HCN4: variants seen among roughly 807,000 people sequenced by gnomAD.
The protein encoded by HCN4 is potassium/sodium hyperpolarization-activated cyclic nucleotide-gated channel 4.
In HCN4, 29 loss-of-function variants were observed where a neutral mutation model predicts 76.9. That is an observed-to-expected ratio of 0.38 (90% CI 0.28 to 0.51). The LOEUF is 0.51. Ranked by LOEUF, HCN4 falls within the 20% of genes least tolerant of loss-of-function variation. HCN4 has a pLI of 0.90. For synonymous variants in HCN4, 772 were observed against 762.5 expected (o/e 1.01, Z -0.21); for missense variants, 1,416 against 1,715.2 (o/e 0.83, Z 3.08).
Position 73,320,488 on chromosome 15 carries a change from A to G in HCN4, c.*1993T>C, listed in dbSNP as rs2042850869. On this transcript the variant is annotated 3_prime_UTR_variant, in exon 8 of 8. Coordinates refer to ENST00000261917, the MANE Select transcript of HCN4 (RefSeq NM_005477.3). The stretch of plus-strand genomic sequence containing the variant: ...GGATAATGTGGGACCAGCCCTTCTC[A>G]TTACTTGGGGATTGCAGCCATACCT... 6.6e-6 allele frequency: 1 copy of G among 152,172 alleles called. No homozygotes were observed. The highest frequency in any genetic ancestry group is 1.5e-5 in the Non-Finnish European group (1 of 68,062). The allele number at this position is 152,172 out of a possible 1,614,324, so 9.4% of individuals were successfully genotyped here.
rs765340523 is a variant in HCN4, at chr15:73,343,681, A to G, written c.913T>C (p.Phe305Leu). 2 of 1,614,182 alleles carry G rather than the reference A, an allele frequency of 1.2e-6. No individual in the cohort carries two copies. Among genetic ancestry groups the G allele is most frequent in the South Asian group, 2.2e-5 (2 of 91,082 alleles). The stretch of plus-strand genomic sequence containing the variant: ...TTGAGGACCAAGTCGATGAGGAAGA[A>G]TGTGTCTGACACCACATTGAAGACA... ...WIVFNVVSDT[F>L]FLIDLVLNFR... Residue 305 changes from phenylalanine (F) to leucine (L), a missense_variant, in exon 2 of 8, where the codon TTC becomes CTC. By Grantham distance (22) the Phe-to-Leu change is conservative (BLOSUM62 0). Coordinates refer to ENST00000261917, the MANE Select transcript of HCN4 (RefSeq NM_005477.3). This position sits in a 1 kb window ranked among gnomAD's most constrained non-coding sequence, Gnocchi z 5.7.
rs1012902736 is a variant in HCN4, at chr15:73,325,586, TAC to T, written c.1591-144_1591-143del. 14 of 833,834 alleles carry T rather than the reference TAC, an allele frequency of 1.7e-5. No individual in the cohort carries two copies. The African/African-American group carries it at 2.0e-4, about 12-fold the overall frequency. 51.7% of individuals were successfully genotyped at this position (833,834 alleles called of 1,614,324 possible). A position where few individuals can be genotyped will look rare whatever the true frequency, so the allele number is the denominator to read the frequency against. ...ACTTGGTTCCTTGAGATCTGAGGTC[TAC>T]AGTGTGGAAATGACCTCACTGTGCT... On this transcript the variant is annotated intron_variant, in intron 4 of 7. Transcript: ENST00000261917. The surrounding 1 kb of genome is among the most constrained non-coding windows in gnomAD (Gnocchi z 7.4).
rs375712962 is a variant in HCN4 at position 73,323,319 on chromosome 15, A to C, written c.2774T>G (p.Leu925Arg). The C allele has an allele frequency of 1.9e-6, 3 of 1,558,138 alleles. No individual in the cohort carries two copies. The highest frequency in any genetic ancestry group is 2.6e-6 in the Non-Finnish European group (3 of 1,150,648). Reference protein sequence around the residue: ...GGSLSSSDSPLLTPLQPGARS... With the variant: ...GGSLSSSDSPRLTPLQPGARS... ...GGCGCCTGGCTGCAGCGGGGTGAGCAGGGGAGAGTCGGAGGAGGACAGGGA... is the reference window on the plus strand; with the variant it reads ...GGCGCCTGGCTGCAGCGGGGTGAGCCGGGGAGAGTCGGAGGAGGACAGGGA... Residue 925 changes from leucine to arginine, a missense_variant, in exon 8 of 8, where the codon CTG becomes CGG. Transcript: ENST00000261917.
Position 73,322,662 on chromosome 15 carries a change from G to A in HCN4, c.3431C>T (p.Ala1144Val), listed in dbSNP as rs1260136245. 6.2e-7 allele frequency: 1 copy of A among 1,606,258 alleles called. No homozygotes were observed. The highest frequency in any genetic ancestry group is 8.5e-7 in the Non-Finnish European group (1 of 1,177,084). ...CAGAGTGACGTGCTGGCCGGGGATG[G>A]CACCATAGGGCCTCCCAGGGGGACC... The part of the protein sequence containing the change: ...GLGPPGRPYG[A>V]IPGQHVTLPR... The change falls in exon 8 of 8, where the codon GCC (alanine) becomes GTC (valine). Residue 1144 changes from alanine (A) to valine (V), a missense_variant. By Grantham distance (64) the Ala-to-Val change is moderately conservative. Transcript: ENST00000261917.
chr15:73,324,181 A>G lies in HCN4; in HGVS notation c.2051T>C (p.Leu684Pro), dbSNP rs2042884906. The change falls in exon 7 of 8, where the codon CTG becomes CCG. Residue 684 changes from leucine to proline, a missense_variant. Transcript: ENST00000261917. Reference sequence around the variant, plus strand: ...CACCTCATTGAAGTTGTCCACGCTCAGCGAGTAGAGGCGGCAGTAGGTGTC... The same window carrying G: ...CACCTCATTGAAGTTGTCCACGCTCGGCGAGTAGAGGCGGCAGTAGGTGTC... Reference protein sequence around the residue: ...RADTYCRLYSLSVDNFNEVLE... With the variant: ...RADTYCRLYSPSVDNFNEVLE... 6.2e-7 allele frequency: 1 copy of G among 1,614,000 alleles called. No homozygotes were observed. Among genetic ancestry groups the G allele is most frequent in the Non-Finnish European group, 8.5e-7 (1 of 1,180,010 alleles).
At chr15:73,327,104 TTTTC>T (rs2042904788) in intron 4 of HCN4, among the ~76,000 whole-genome samples, 1 of 149,534 alleles carries the variant, frequency 6.7e-6, no homozygotes, top group African/African-American at 2.5e-5. Context: ...CGCTTTTTCT[TTTTC>T]TTTTTTTTTT....
Position 73,322,952 on chromosome 15 carries a change from G to T in HCN4, c.3141C>A (p.Gly1047=). Residue 1047 remains glycine, a synonymous_variant, in exon 8 of 8, where the codon GGC becomes GGA. Transcript: ENST00000261917. ...TFPSAPPRAS[G]SHGSLLLPPA... is the part of the protein sequence containing the mutation. ...GTGGCAGGAGCAAGGATCCGTGGGA[G>T]CCAGAGGCCCGGGGCGGGGCACTCG... 1 of 1,424,328 alleles carries T rather than the reference G, an allele frequency of 7.0e-7. No homozygotes were observed. The highest frequency in any genetic ancestry group is 9.2e-7 in the Non-Finnish European group (1 of 1,082,436). 88.2% of individuals were successfully genotyped at this position (1,424,328 alleles called of 1,614,324 possible).
chr15:73,335,704 CG>C (rs1567779989), intron 2 of HCN4: 1 of 152,236 alleles, frequency 6.6e-6, no homozygotes. Context: ...ATCCTGGGAA[CG>C]GCCCTGCACA....
At position 73,367,851 on chromosome 15, in the gene HCN4, G is replaced by A. The variant is rs1044205586; in HGVS notation, c.420C>T (p.Gly140=). ...RLIAEGDASP[G]EDRTPPGLAA... is the part of the protein sequence containing the mutation. Reference sequence around the variant, plus strand: ...CCAGGCCTGGGGGCGTCCTGTCCTCGCCGGGGGACGCGTCGCCCTCGGCGA... The same window carrying A: ...CCAGGCCTGGGGGCGTCCTGTCCTCACCGGGGGACGCGTCGCCCTCGGCGA... The change falls in exon 1 of 8, where the codon GGC becomes GGT. Residue 140 remains glycine, a synonymous_variant. Coordinates refer to ENST00000261917, the MANE Select transcript of HCN4 (RefSeq NM_005477.3). This position sits in a 1 kb window ranked among gnomAD's most constrained non-coding sequence, Gnocchi z 7.5. 1 of 1,296,182 alleles carries A rather than the reference G, an allele frequency of 7.7e-7. No homozygotes were observed. Among genetic ancestry groups the A allele is most frequent in the South Asian group, 2.3e-5 (1 of 43,096 alleles). 80.3% of individuals were successfully genotyped at this position (1,296,182 alleles called of 1,614,324 possible).
rs924040475 is a variant in HCN4 at position 73,367,172 on chromosome 15, G to A, written c.785+314C>T. Among the ~76,000 whole-genome samples, 3 of 152,204 alleles carry A rather than the reference G, an allele frequency of 2.0e-5. No individual in the cohort carries two copies. Among genetic ancestry groups the A allele is most frequent in the South Asian group, 2.1e-4 (1 of 4,834 alleles). The stretch of plus-strand genomic sequence containing the variant: ...TGACTCTGCAGCCTTGAAGGGGGAG[G>A]AGGAATATGTGGCTTAAGGTGGCAG... On this transcript the variant is annotated intron_variant, in intron 1 of 7. Transcript: ENST00000261917. This position sits in a 1 kb window ranked among gnomAD's most constrained non-coding sequence, Gnocchi z 7.5.
chr15:73,324,336 C>A, intron 6 of HCN4, 83 bp from the exon 7 acceptor site: 1 of 1,471,308 alleles, frequency 6.8e-7, no homozygotes, highest in African/African-American at 1.4e-5. Context: ...TTGGCCCTGA[C>A]TGCCTGGCAC....
At position 73,324,055 on chromosome 15, in the gene HCN4, C is replaced by T. The variant is rs575604727; in HGVS notation, c.2143+34G>A. 3.1e-6 allele frequency: 5 copies of T among 1,609,514 alleles called. No individual in the cohort carries two copies. In the African/African-American group the frequency reaches 5.3e-5, roughly 17 times the overall value. On this transcript the variant is annotated intron_variant, in intron 7 of 7. Transcript: ENST00000261917. ...GCCCTGCCCTCCTCCCCCAACACCCCCCACCTGCCCCGCCTGTGGCCCCTC... is the reference window on the plus strand; with the variant it reads ...GCCCTGCCCTCCTCCCCCAACACCCTCCACCTGCCCCGCCTGTGGCCCCTC...
intron 1 of HCN4, among the ~76,000 whole-genome samples, chr15:73,345,266 T>C (rs1263427303): frequency 6.6e-6 from 1 of 152,188 alleles, no homozygotes; most frequent in African/African-American, 2.4e-5. Flanking sequence ...GTGGGTGAGA[T>C]GGCTGTCCTA....
intron 1 of HCN4, among the ~76,000 whole-genome samples, chr15:73,360,880 G>A (rs1054276372): frequency 1.1e-4 from 17 of 152,186 alleles, no homozygotes; most frequent in Non-Finnish European, 1.9e-4. Flanking sequence ...TGGCATGAAT[G>A]ACGTGGCTGG....
intron 4 of HCN4, among the ~76,000 whole-genome samples, chr15:73,326,962 T>G (rs1451156610): frequency 6.6e-6 from 1 of 151,762 alleles, no homozygotes; most frequent in Non-Finnish European, 1.5e-5. Context: ...AATTTTTGTA[T>G]TTTTAGTACA....
At position 73,367,949 on chromosome 15, in the gene HCN4, C is replaced by G. The variant is rs1057524788; in HGVS notation, c.322G>C (p.Gly108Arg). ...CCGCTCCCCGTGCCGCCGCTGCCGC[C>G]GCCCCGGCTGCCCAGCGAGGCCAGG... is the stretch of plus-strand genomic sequence containing the variant. ...GSLASLGSRGGGSGGTGSGSS... is the reference protein window; with the variant it reads ...GSLASLGSRGRGSGGTGSGSS... Residue 108 changes from glycine (G) to arginine (R), a missense_variant, in exon 1 of 8, where the codon GGC becomes CGC. Gly to Arg is a moderately radical substitution (Grantham distance 125). Transcript: ENST00000261917. This position sits in a 1 kb window ranked among gnomAD's most constrained non-coding sequence, Gnocchi z 7.5. The G allele has an allele frequency of 7.4e-7, 1 of 1,354,814 alleles. No individual in the cohort carries two copies. Among genetic ancestry groups the G allele is most frequent in the Non-Finnish European group, 9.5e-7 (1 of 1,057,742 alleles). 83.9% of individuals were successfully genotyped at this position (1,354,814 alleles called of 1,614,324 possible).
rs546558164 is a variant in HCN4 at position 73,336,108 on chromosome 15, T to C, written c.1210-3816A>G. ...AAGCAGGGCACAATGGGGAGGTGAG[T>C]AGAGAGGCTGGTCCAGGCTCTGAGC... On this transcript the variant is annotated intron_variant, in intron 2 of 7. Coordinates refer to ENST00000261917, the MANE Select transcript of HCN4 (RefSeq NM_005477.3). Among the ~76,000 whole-genome samples, 18 of 151,634 alleles carry C rather than the reference T, an allele frequency of 1.2e-4. 1 individual carries two copies. The East Asian group carries it at 3.3e-3, about 28-fold the overall frequency.
chr15:73,323,444 G>C lies in HCN4; in HGVS notation c.2649C>G (p.Pro883=), dbSNP rs2042877178. The change falls in exon 8 of 8, where the codon CCC becomes CCG. Residue 883 remains proline (P), a synonymous_variant. Coordinates refer to ENST00000261917, the MANE Select transcript of HCN4 (RefSeq NM_005477.3). ...CCGAGGGGGAGCCACAGGCCCCGGG[G>C]GGTGGGGAGGAGCTGGATGAGGGCA... The part of the protein sequence containing the change: ...PLLPSSSSSP[P]PGACGSPSAP... 6.2e-7 allele frequency: 1 copy of C among 1,609,434 alleles called. No homozygotes were observed. The highest frequency in any genetic ancestry group is 8.5e-7 in the Non-Finnish European group (1 of 1,179,098).
intron 1 of HCN4, among the ~76,000 whole-genome samples, chr15:73,360,360 C>T (rs1302531067): frequency 6.6e-6 from 1 of 152,144 alleles, no homozygotes; most frequent in African/African-American, 2.4e-5. Context: ...AGCTGCTCCC[C>T]CTCTTTGCTC....
Sources: allele counts gnomAD v4.1 joint callset (sites outside exome capture counted in the v4.1 genomes callset), GRCh38; gene constraint gnomAD v4.1.1; non-coding constraint Gnocchi (gnomAD v3.1); transcripts MANE v1.5; gene names NCBI Gene and HGNC (gene_info 2026-07-23, HGNC 2026-07-21).